Variants in NCOA7 observed in about 807,000 individuals in gnomAD.
The protein encoded by NCOA7 is 140 kDa estrogen receptor-associated protein.
Under a neutral mutation model 104.3 loss-of-function variants are expected in NCOA7, and 45 were observed. The ratio of observed to expected loss-of-function variants is 0.43; its 90% CI spans 0.34 to 0.55. The LOEUF (loss-of-function observed/expected upper bound fraction) is 0.55. Among genes scored for constraint, NCOA7 ranks in the 20% least tolerant of loss-of-function variants. NCOA7 has a pLI of 0.02. For synonymous variants in NCOA7, 398 were observed against 402.3 expected, an observed-to-expected ratio of 0.99 and a Z score of 0.13; for missense variants, 1,041 against 1,119.7, an observed-to-expected ratio of 0.93 and a Z score of 1.00.
chr6:125,835,223 A>G (rs1779513183), intron 2 of NCOA7, among the ~76,000 whole-genome samples: 1 of 152,206 alleles, frequency 6.6e-6, no homozygotes, highest in African/African-American at 2.4e-5. Flanking sequence ...CATGTGATAA[A>G]GACTGCTAAG....
intron 7 of NCOA7, 37 bp from the exon 8 acceptor site, chr6:125,885,122 G>T: frequency 6.2e-7 from 1 of 1,606,154 alleles, no homozygotes; most frequent in Non-Finnish European, 8.5e-7. Context: ...AAGCATTTCT[G>T]CCTGAAGTGA....
At chr6:125,915,692 A>G (rs1470321636) in intron 11 of NCOA7, among the ~76,000 whole-genome samples, 2 of 152,134 alleles carry the variant, frequency 1.3e-5, no homozygotes, top group Non-Finnish European at 2.9e-5. Flanking sequence ...TTCTGACCAC[A>G]CTAGATGAAT....
intron 2 of NCOA7, among the ~76,000 whole-genome samples, chr6:125,841,284 G>C (rs1017271634): frequency 1.3e-5 from 2 of 152,020 alleles, no homozygotes; most frequent in African/African-American, 2.4e-5. Context: ...GTACAGTTTT[G>C]TAGCCTAGTA....
chr6:125,838,859 A>T (rs368152302), intron 2 of NCOA7, among the ~76,000 whole-genome samples: 3 of 152,194 alleles, frequency 2.0e-5, no homozygotes, highest in East Asian at 1.9e-4. Flanking sequence ...CCAGTTTATT[A>T]TAAAGGATAT....
At chr6:125,871,448 C>G (rs77503837) in intron 3 of NCOA7, among the ~76,000 whole-genome samples, 1 of 152,362 alleles carries the variant, frequency 6.6e-6, no homozygotes, top group East Asian at 1.9e-4. Flanking sequence ...AGTTAACCAT[C>G]TTTTCAACTC....
chr6:125,803,194 C>G (rs769338637), intron 1 of NCOA7, among the ~76,000 whole-genome samples: 11 of 152,150 alleles, frequency 7.2e-5, no homozygotes, highest in Non-Finnish European at 1.6e-4. Flanking sequence ...TCAGGGATGT[C>G]CCACTTTTAA....
Position 125,931,770 on chromosome 6 carries a change from T to C in NCOA7, c.*2999T>C, listed in dbSNP as rs1401197138. ...CCCCACCAACATCTCATTGGAATTA[T>C]AATCCCCACATGTTGAGGGAGGGAC... On this transcript the variant is annotated 3_prime_UTR_variant, in exon 16 of 16. Transcript: ENST00000392477. The C allele has an allele frequency of 6.6e-6, 1 of 152,222 alleles. No homozygotes were observed. Among genetic ancestry groups the C allele is most frequent in the Non-Finnish European group, 1.5e-5 (1 of 68,042 alleles). The allele number at this position is 152,222 out of a possible 1,614,324, so 9.4% of individuals were successfully genotyped here.
intron 10 of NCOA7, among the ~76,000 whole-genome samples, chr6:125,908,705 GTCATACCTC>G (rs2128680734): frequency 6.6e-6 from 1 of 152,286 alleles, no homozygotes; most frequent in South Asian, 2.1e-4. Context: ...GGTGTACTCA[GTCATACCTC>G]TCTCCAGAAT....
chr6:125,846,361 AT>A lies in NCOA7; in HGVS notation c.51-8641del, dbSNP rs139496689. Among the ~76,000 whole-genome samples the A allele has an allele frequency of 4.0e-3, 588 of 148,336 alleles. 6 individuals are homozygous for A. Among genetic ancestry groups the A allele is most frequent in the African/African-American group, 0.013 (511 of 40,096 alleles). ...GTTTGGATATAAAAAAGAAAAAAAA[AT>A]TTTTTTTTTTTTTTTTTAATCAAAA... is the stretch of plus-strand genomic sequence containing the variant. On this transcript the variant is annotated intron_variant, in intron 2 of 15. Coordinates refer to ENST00000392477, the MANE Select transcript of NCOA7 (RefSeq NM_181782.5).
At chr6:125,913,776 T>A in intron 10 of NCOA7, 1 of 472,504 alleles carries the variant, frequency 2.1e-6, no homozygotes, top group Non-Finnish European at 2.8e-6. Context: ...TAGTTATTAA[T>A]GTCCACCTTA....
intron 12 of NCOA7, among the ~76,000 whole-genome samples, chr6:125,921,470 G>T (rs1787580033): frequency 6.6e-6 from 1 of 152,120 alleles, no homozygotes; most frequent in East Asian, 1.9e-4. Context: ...GCTGAAGGAT[G>T]AGGCTTGTGA....
intron 10 of NCOA7, among the ~76,000 whole-genome samples, chr6:125,909,023 T>C (rs1473545552): frequency 6.6e-6 from 1 of 152,218 alleles, no homozygotes; most frequent in African/African-American, 2.4e-5. Flanking sequence ...ACTCGGTGTC[T>C]ATGATTGTCC....
At chr6:125,796,290 G>A (rs1317462992) in intron 1 of NCOA7, among the ~76,000 whole-genome samples, 1 of 151,026 alleles carries the variant, frequency 6.6e-6, no homozygotes, top group Non-Finnish European at 1.5e-5. Flanking sequence ...AAAAAAATTA[G>A]GGTTGAAGAT....
chr6:125,930,532 A>G lies in NCOA7; in HGVS notation c.*1761A>G, dbSNP rs1788405428. On this transcript the variant is annotated 3_prime_UTR_variant, in exon 16 of 16. Transcript: ENST00000392477. ...CGGTAATTTTTGAAAGGAAAAATGTATAACAAGTACTATTTACATATCTGC... is the reference window on the plus strand; with the variant it reads ...CGGTAATTTTTGAAAGGAAAAATGTGTAACAAGTACTATTTACATATCTGC... 6.6e-6 allele frequency: 1 copy of G among 152,656 alleles called. No individual in the cohort carries two copies. Among genetic ancestry groups the G allele is most frequent in the African/African-American group, 2.4e-5 (1 of 41,460 alleles). The allele number at this position is 152,656 out of a possible 1,614,324, so 9.5% of individuals were successfully genotyped here.
At chr6:125,817,115 G>A (rs907374245) in intron 2 of NCOA7, among the ~76,000 whole-genome samples, 10 of 152,152 alleles carry the variant, frequency 6.6e-5, no homozygotes, top group African/African-American at 2.4e-4. Flanking sequence ...TTGCACAGTA[G>A]CATTCCATAG....
chr6:125,913,019 A>G (rs940554888), intron 10 of NCOA7, among the ~76,000 whole-genome samples: 10 of 152,188 alleles, frequency 6.6e-5, no homozygotes, highest in African/African-American at 1.9e-4. Context: ...AGATAGATAT[A>G]TATACAATAT....
chr6:125,888,148 C>A (rs976057864), intron 8 of NCOA7, among the ~76,000 whole-genome samples: 2 of 152,112 alleles, frequency 1.3e-5, no homozygotes, highest in African/African-American at 4.8e-5. Flanking sequence ...TTGACTGCAT[C>A]CCAGGACAAT....
intron 3 of NCOA7, among the ~76,000 whole-genome samples, chr6:125,873,901 C>T (rs1783133959): frequency 6.6e-6 from 1 of 152,186 alleles, no homozygotes; most frequent in Non-Finnish European, 1.5e-5. Context: ...CTTTTTGTCA[C>T]ATTTTTATCT....
intron 1 of NCOA7, among the ~76,000 whole-genome samples, chr6:125,806,379 A>G (rs1055115074): frequency 6.6e-6 from 1 of 152,212 alleles, no homozygotes; most frequent in Non-Finnish European, 1.5e-5. Context: ...TTCTGCCTTA[A>G]TAGCATGGGT....
Sources: allele counts gnomAD v4.1 joint callset (sites outside exome capture counted in the v4.1 genomes callset), GRCh38; gene constraint gnomAD v4.1.1; transcripts MANE v1.5; gene names NCBI Gene and HGNC (gene_info 2026-07-23, HGNC 2026-07-21).